Variants in C2CD5 observed in about 807,000 individuals in gnomAD.
The protein encoded by C2CD5 is C2 calcium dependent domain containing 5.
C2CD5 carries 109 observed loss-of-function variants against 130.3 expected under a neutral mutation model. The ratio of observed to expected loss-of-function variants is 0.84; its 90% CI spans 0.72 to 0.98. C2CD5 has a LOEUF of 0.98. C2CD5 is among the 50% of genes least tolerant of loss of function. The pLI is 0.00. For missense variants in C2CD5, 996 were observed against 1,261.8 expected, an observed-to-expected ratio of 0.79 and a Z score of 3.19; for synonymous variants, 454 against 429.2, an observed-to-expected ratio of 1.06 and a Z score of -0.71.
chr12:22,513,643 G>A (rs907770965), intron 8 of C2CD5, among the ~76,000 whole-genome samples: 1 of 152,016 alleles, frequency 6.6e-6, no homozygotes, highest in African/African-American at 2.4e-5. Context: ...GTATGTAAAG[G>A]TGATGAATCT....
intron 7 of C2CD5, among the ~76,000 whole-genome samples, chr12:22,521,836 C>G (rs369007587): frequency 7.9e-5 from 12 of 152,226 alleles, no homozygotes; most frequent in African/African-American, 2.9e-4. Flanking sequence ...AAAGAATGCA[C>G]TTAGGATAAA....
chr12:22,497,271 C>T (rs930728758), intron 10 of C2CD5, among the ~76,000 whole-genome samples: 1 of 151,936 alleles, frequency 6.6e-6, no homozygotes, highest in Non-Finnish European at 1.5e-5. Context: ...CTGTATATGT[C>T]AAAACAGCTA....
chr12:22,505,912 C>T (rs1224762183), intron 10 of C2CD5, among the ~76,000 whole-genome samples: 2 of 145,000 alleles, frequency 1.4e-5, no homozygotes, highest in Non-Finnish European at 3.2e-5. Flanking sequence ...CCTACAATTA[C>T]TTTGTTGCCC....
At chr12:22,474,686 G>T in intron 16 of C2CD5, 65 bp downstream of exon 16, 1 of 1,153,278 alleles carries the variant, frequency 8.7e-7, no homozygotes, top group Non-Finnish European at 1.2e-6. Context: ...TATTAATTTA[G>T]CACGTGAAAA....
intron 9 of C2CD5, among the ~76,000 whole-genome samples, chr12:22,507,125 C>T (rs900270534): frequency 6.6e-6 from 1 of 152,184 alleles, no homozygotes; most frequent in Non-Finnish European, 1.5e-5. Flanking sequence ...GAATCTCCAA[C>T]TCTGATGGAA....
chr12:22,527,986 T>G (rs1374919075), intron 3 of C2CD5, 94 bp from the exon 4 acceptor site: 1 of 627,880 alleles, frequency 1.6e-6, no homozygotes, highest in African/African-American at 1.9e-5. Context: ...ATGACACATC[T>G]GCAAATAAAA....
At chr12:22,522,050 G>A (rs1171205677) in intron 7 of C2CD5, among the ~76,000 whole-genome samples, 1 of 152,136 alleles carries the variant, frequency 6.6e-6, no homozygotes, top group Non-Finnish European at 1.5e-5. Flanking sequence ...TGTTTTGTAA[G>A]TAAGTTTTAT....
rs763590515 is a variant in C2CD5, at chr12:22,469,736, G to A, written c.2506C>T (p.Pro836Ser). The A allele has an allele frequency of 1.9e-6, 3 of 1,605,002 alleles. No homozygotes were observed. The highest frequency in any genetic ancestry group is 1.1e-5 in the South Asian group (1 of 89,910). ...TTAGCTGGTGGAAAAGGATGAGAAG[G>A]AAGTGAATCTGAACACAGTTCCAGT... ...FPLELCSDSL[P>S]SHPFPPAKEH... Residue 836 changes from proline to serine, a missense_variant, in exon 22 of 27, where the codon CCT (proline) becomes TCT (serine). Pro to Ser is a moderately conservative substitution (Grantham distance 74). Coordinates refer to ENST00000446597, the MANE Select transcript of C2CD5 (RefSeq NM_001286176.2).
In C2CD5 at chr12:22,448,689, T is replaced by C. The variant is rs903236962; in HGVS notation, c.*1071A>G. The C allele has an allele frequency of 1.3e-5, 2 of 152,544 alleles. No homozygotes were observed. The highest frequency in any genetic ancestry group is 2.9e-5 in the Non-Finnish European group (2 of 68,018). The allele number at this position is 152,544 out of a possible 1,614,324, so 9.4% of individuals were successfully genotyped here. A position where few individuals can be genotyped will look rare whatever the true frequency, so the allele number is the denominator to read the frequency against. Reference sequence around the variant, plus strand: ...AATGACTCTTAAGGGCAGTTTGTTGTCCTGGGGGAAAAAATCATAAGTGTT... The same window carrying C: ...AATGACTCTTAAGGGCAGTTTGTTGCCCTGGGGGAAAAAATCATAAGTGTT... On this transcript the variant is annotated 3_prime_UTR_variant, in exon 27 of 27. Coordinates refer to ENST00000446597, the MANE Select transcript of C2CD5 (RefSeq NM_001286176.2).
chr12:22,481,834 G>A (rs1023402689), intron 14 of C2CD5, among the ~76,000 whole-genome samples: 1 of 142,864 alleles, frequency 7.0e-6, no homozygotes, highest in African/African-American at 2.6e-5. Context: ...AGAGACAGTG[G>A]TCTCACCCGG....
intron 26 of C2CD5, among the ~76,000 whole-genome samples, chr12:22,453,197 G>C (rs1939074345): frequency 6.6e-6 from 1 of 152,010 alleles, no homozygotes; most frequent in African/African-American, 2.4e-5. Flanking sequence ...TGCTCTTAGG[G>C]GAGTCACTTG....
chr12:22,455,109 A>G (rs1352780049), intron 25 of C2CD5, among the ~76,000 whole-genome samples: 1 of 152,200 alleles, frequency 6.6e-6, no homozygotes, highest in Non-Finnish European at 1.5e-5. Flanking sequence ...TTATTGGGTC[A>G]CATCCTTCTG....
In C2CD5 at chr12:22,518,705, C is replaced by T. The variant is rs549718205; in HGVS notation, c.801-568G>A. Among the ~76,000 whole-genome samples the T allele has an allele frequency of 9.2e-5, 14 of 152,288 alleles. No individual in the cohort carries two copies. In the East Asian group the frequency reaches 2.3e-3, roughly 25 times the overall value. ...CTCTCTTCCACAGAATGAAATAGGA[C>T]CTACTGTAATAGGTTTTGTATATAA... On this transcript the variant is annotated intron_variant, in intron 7 of 26. Coordinates refer to ENST00000446597, the MANE Select transcript of C2CD5 (RefSeq NM_001286176.2).
rs548649904 is a variant in C2CD5, at chr12:22,525,686, A to G, written c.369T>C (p.Asn123=). 3.9e-6 allele frequency: 6 copies of G among 1,556,722 alleles called. No homozygotes were observed. In the East Asian group the frequency reaches 1.1e-4, roughly 29 times the overall value. The change falls in exon 5 of 27, where the codon AAT becomes AAC. Residue 123 remains asparagine (N), a synonymous_variant. Coordinates refer to ENST00000446597, the MANE Select transcript of C2CD5 (RefSeq NM_001286176.2). ...DTIHGIRGEI[N]VVVKVDLFND... ...TGAAGAGGTCTACTTTGACAACTAC[A>G]TTGATTTCCCCACGGATACCTATAA...
In C2CD5 at chr12:22,524,646, A is replaced by G. The variant is rs929932207; in HGVS notation, c.446-19T>C. The G allele has an allele frequency of 8.2e-6, 13 of 1,592,220 alleles. No individual in the cohort carries two copies. Among genetic ancestry groups the G allele is most frequent in the African/African-American group, 1.3e-5 (1 of 74,076 alleles). On this transcript the variant is annotated intron_variant, in intron 5 of 26. Coordinates refer to ENST00000446597, the MANE Select transcript of C2CD5 (RefSeq NM_001286176.2). ...GACGTTGCTGTTAAAACAAATTATT[A>G]TGCTTCTGTTTATCAAAAGGTAAAA... is the stretch of plus-strand genomic sequence containing the variant.
chr12:22,478,567 T>C (rs1360958920), intron 14 of C2CD5, 90 bp from the exon 15 acceptor site: 1 of 1,103,042 alleles, frequency 9.1e-7, no homozygotes, highest in South Asian at 1.5e-5. Flanking sequence ...GGTCAACAGC[T>C]GGGTGCAGTG....
chr12:22,485,410 A>G (rs1180938821), intron 12 of C2CD5, among the ~76,000 whole-genome samples: 6 of 152,130 alleles, frequency 3.9e-5, no homozygotes, highest in Admixed American at 2.0e-4. Flanking sequence ...CAAGGTGACT[A>G]TAATTGATAA....
intron 8 of C2CD5, among the ~76,000 whole-genome samples, chr12:22,517,737 A>G (rs1270923154): frequency 6.6e-6 from 1 of 152,216 alleles, no homozygotes; most frequent in African/African-American, 2.4e-5. Context: ...AAAAATGTCT[A>G]CATGCCAAAA....
chr12:22,531,901 A>AT (rs951324510), intron 3 of C2CD5, among the ~76,000 whole-genome samples: 24 of 152,308 alleles, frequency 1.6e-4, no homozygotes, highest in African/African-American at 4.8e-4. Flanking sequence ...CTGCAGTTCT[A>AT]TTTTTTTAGC....
Sources: allele counts gnomAD v4.1 joint callset (sites outside exome capture counted in the v4.1 genomes callset), GRCh38; gene constraint gnomAD v4.1.1; transcripts MANE v1.5; gene names NCBI Gene and HGNC (gene_info 2026-07-23, HGNC 2026-07-21).